Variants in MYO19 observed in about 807,000 individuals in gnomAD.
MYO19 encodes unconventional myosin-XIX.
In MYO19, 132 loss-of-function variants were observed where a neutral mutation model predicts 129.2. That is an observed-to-expected ratio of 1.02 (90% CI 0.89 to 1.18). The LOEUF is 1.18. MYO19 is among the 50% of genes most tolerant of loss of function. The probability of loss-of-function intolerance (pLI) is 0.00; values close to 1 mark genes in which losing one functional copy is unlikely to be tolerated. For synonymous variants in MYO19, 531 were observed against 477.2 expected, an observed-to-expected ratio of 1.11 and a Z score of -1.47; for missense variants, 1,210 against 1,216.7, an observed-to-expected ratio of 0.99 and a Z score of 0.08.
chr17:36,527,380 A>T (rs1350882849), intron 5 of MYO19, among the ~76,000 whole-genome samples, 171 bp downstream of exon 5: 2 of 152,168 alleles, frequency 1.3e-5, no homozygotes, highest in Non-Finnish European at 2.9e-5. Flanking sequence ...TCCTGTAGTC[A>T]GTTCTTCATG....
chr17:36,504,108 C>T (rs2071718461), intron 19 of MYO19, 88 bp from the exon 20 acceptor site: 1 of 1,073,968 alleles, frequency 9.3e-7, no homozygotes, highest in African/African-American at 1.6e-5. Flanking sequence ...TTCTTAGACC[C>T]TGGCCAGTGC....
chr17:36,538,478 T>G, upstream of MYO19: 1 of 1,614,164 alleles, frequency 6.2e-7, no homozygotes, highest in Non-Finnish European at 8.5e-7. Context: ...ATATAACAAC[T>G]GGCCTGATCA....
chr17:36,501,381 T>G, intron 21 of MYO19, 146 bp from the exon 22 acceptor site: 2 of 858,706 alleles, frequency 2.3e-6, no homozygotes. Flanking sequence ...GTTCTTCTTT[T>G]GGAGGAAGCC....
At chr17:36,528,381 G>A (rs915738785) in intron 3 of MYO19, among the ~76,000 whole-genome samples, 179 bp from the exon 4 acceptor site, 1 of 152,044 alleles carries the variant, frequency 6.6e-6, no homozygotes, top group Non-Finnish European at 1.5e-5. Flanking sequence ...CATGGTGGCG[G>A]GCACCTGTAG....
chr17:36,519,359 C>G (rs1184344204), intron 6 of MYO19, among the ~76,000 whole-genome samples: 1 of 152,182 alleles, frequency 6.6e-6, no homozygotes, highest in Non-Finnish European at 1.5e-5. Flanking sequence ...ATTGCTTGTT[C>G]TAATGTAACC....
rs775025313 is a variant in MYO19, at chr17:36,498,498, TGA to T, written c.2523_2524del (p.Gln842SerfsTer57). 8 of 1,614,012 alleles carry T rather than the reference TGA, an allele frequency of 5.0e-6. No homozygotes were observed. The South Asian group carries it at 6.6e-5, about 13-fold the overall frequency. On this transcript the variant is annotated frameshift_variant, in exon 25 of 26. Coordinates refer to ENST00000614623, the MANE Select transcript of MYO19 (RefSeq NM_001163735.2). LOFTEE classifies it high-confidence loss of function. ...CGAGGTGCTCAGGGAACAGGGAGCT[TGA>T]GAGAAGTGTTTTTCTTCCACACCAT...
intron 23 of MYO19, chr17:36,499,967 T>C (rs1391785138): frequency 1.3e-5 from 2 of 152,140 alleles, no homozygotes. Flanking sequence ...GAGGTGATTC[T>C]CCTGCCTCAG....
At chr17:36,512,196 AACACAC>A (rs57765074) in intron 11 of MYO19, among the ~76,000 whole-genome samples, 1,756 of 138,196 alleles carry the variant, frequency 0.013, 15 homozygotes, top group South Asian at 0.037. Flanking sequence ...ACTAAAAATA[AACACAC>A]ACACACACAC....
rs1381260829 is a variant in MYO19, at chr17:36,513,176, C to G, written c.894+253G>C. 13 of 1,415,712 alleles carry G rather than the reference C, an allele frequency of 9.2e-6. No homozygotes were observed. The Admixed American group carries it at 3.8e-4, about 42-fold the overall frequency. The allele number at this position is 1,415,712 out of a possible 1,614,324, so 87.7% of individuals were successfully genotyped here. A position where few individuals can be genotyped will look rare whatever the true frequency, so the allele number is the denominator to read the frequency against. ...TGATCATGCGGTACCTTGCTCTCTG[C>G]CCCCATGGATCACTTACTGCATTCT... On this transcript the variant is annotated intron_variant, in intron 11 of 25. Coordinates refer to ENST00000614623, the MANE Select transcript of MYO19 (RefSeq NM_001163735.2).
Position 36,515,892 on chromosome 17 carries a change from C to A in MYO19, c.513G>T (p.Arg171Ser). The A allele has an allele frequency of 6.2e-7, 1 of 1,613,722 alleles. No individual in the cohort carries two copies. The highest frequency in any genetic ancestry group is 1.1e-5 in the South Asian group (1 of 91,062). Residue 171 changes from arginine (R) to serine (S), a missense_variant, in exon 7 of 26, where the codon AGG becomes AGT. By Grantham distance (110) the Arg-to-Ser change is moderately radical. Transcript: ENST00000614623. ...CCATGACAGGGTTGGAGTTCAGGAT[C>A]CTCTGTTCTATCCTCTCTGCAATCT... is the stretch of plus-strand genomic sequence containing the variant. ...SHKIAERIEQ[R>S]ILNSNPVMEA... is the part of the protein sequence containing the mutation.
At chr17:36,542,375 T>C (rs1420621343) in intron 1 of MYO19, 2 of 152,226 alleles carry the variant, frequency 1.3e-5, no homozygotes, top group African/African-American at 4.8e-5. Flanking sequence ...TCATTTTTAA[T>C]GTTCTTTACC....
At chr17:36,531,577 G>C (rs1192162150) in intron 3 of MYO19, among the ~76,000 whole-genome samples, 1 of 151,260 alleles carries the variant, frequency 6.6e-6, no homozygotes, top group Non-Finnish European at 1.5e-5. Context: ...CCATTGTATT[G>C]ATATACCTTT....
At chr17:36,506,716 C>T (rs1424252903) in intron 17 of MYO19, 108 bp from the exon 18 acceptor site, 3 of 1,346,050 alleles carry the variant, frequency 2.2e-6, no homozygotes, top group East Asian at 5.1e-5. Flanking sequence ...TAGGACAGGG[C>T]CTGAGTCCAA....
chr17:36,542,093 C>T (rs1284927423), exon 2 of MYO19: 3 of 152,200 alleles, frequency 2.0e-5, no homozygotes, highest in African/African-American at 7.2e-5. Flanking sequence ...AGCAAATCCA[C>T]CTTTTTCGCC....
rs2142893946 is a variant in MYO19 at position 36,505,323 on chromosome 17, G to A, written c.1879C>T (p.Gln627Ter). The A allele has an allele frequency of 1.2e-6, 2 of 1,614,232 alleles. No homozygotes were observed. The highest frequency in any genetic ancestry group is 4.5e-5 in the East Asian group (2 of 44,892). ...IRCIKPNSQG[Q>*]AQTFLQEEVL... ...TCCTCTTGGAGAAAGGTCTGCGCCT[G>A]GCCCTGGCTGTTGGGCTTGATGCAG... Residue 627 changes from glutamine to a stop codon, truncating the protein, a stop_gained, in exon 19 of 26, where the codon CAG becomes TAG. Coordinates refer to ENST00000614623, the MANE Select transcript of MYO19 (RefSeq NM_001163735.2). LOFTEE classifies it high-confidence loss of function.
At chr17:36,509,996 G>C (rs961435360) in intron 13 of MYO19, 1 of 152,228 alleles carries the variant, frequency 6.6e-6, no homozygotes, top group Non-Finnish European at 1.5e-5. Context: ...CAACTCGGAC[G>C]ATCTGGTTCC....
upstream of MYO19, chr17:36,538,878 T>G (rs1225353996): frequency 5.8e-6 from 2 of 342,230 alleles, no homozygotes; most frequent in African/African-American, 4.3e-5. Flanking sequence ...CTCAGCCTCC[T>G]GAGTAGCTGG....
intron 25 of MYO19, among the ~76,000 whole-genome samples, chr17:36,496,808 A>G (rs1050875208): frequency 5.3e-5 from 8 of 152,164 alleles, no homozygotes; most frequent in African/African-American, 1.9e-4. Flanking sequence ...TAGGTTGAGT[A>G]TTAGCCCATT....
intron 21 of MYO19, 26 bp from the exon 22 acceptor site, chr17:36,501,261 G>A (rs749975971): frequency 6.3e-7 from 1 of 1,594,126 alleles, no homozygotes; most frequent in South Asian, 1.1e-5. Context: ...GGCCCCATCA[G>A]TGCATGGTCA....
Sources: allele counts gnomAD v4.1 joint callset (sites outside exome capture counted in the v4.1 genomes callset), GRCh38; gene constraint gnomAD v4.1.1; transcripts MANE v1.5; gene names NCBI Gene and HGNC (gene_info 2026-07-23, HGNC 2026-07-21).